Variants in CSNK1G2 observed in about 807,000 individuals in gnomAD.
The protein encoded by CSNK1G2 is casein kinase I isoform gamma-2.
Under a neutral mutation model 48.0 loss-of-function variants are expected in CSNK1G2, and 11 were observed. The observed-to-expected ratio is 0.23, with a 90% confidence interval of 0.14 to 0.38. The LOEUF is 0.38. Ranked by LOEUF, CSNK1G2 falls within the 10% of genes least tolerant of loss-of-function variation. The probability of loss-of-function intolerance (pLI) is 1.00; values close to 1 mark genes in which losing one functional copy is unlikely to be tolerated. For synonymous variants in CSNK1G2, 337 were observed against 254.1 expected, an observed-to-expected ratio of 1.33 and a Z score of -3.10; for missense variants, 446 against 595.5, an observed-to-expected ratio of 0.75 and a Z score of 2.61.
rs781037157 is a variant in CSNK1G2 at position 1,980,343 on chromosome 19, G to C, written c.*140G>C. 1.9e-6 allele frequency: 2 copies of C among 1,068,222 alleles called. No individual in the cohort carries two copies. The highest frequency in any genetic ancestry group is 4.4e-5 in the Admixed American group (2 of 45,530). 66.2% of individuals were successfully genotyped at this position (1,068,222 alleles called of 1,614,324 possible). The stretch of plus-strand genomic sequence containing the variant: ...CCAGAACGCAGACTGCAGGGGCCGC[G>C]CCTGGCTCAGGCGGCCCCACCCCCG... On this transcript the variant is annotated 3_prime_UTR_variant, in exon 12 of 12. Coordinates refer to ENST00000255641, the MANE Select transcript of CSNK1G2 (RefSeq NM_001319.7).
At chr19:1,967,698 C>CT (rs1555681689) in intron 1 of CSNK1G2, among the ~76,000 whole-genome samples, 2,226 of 101,940 alleles carry the variant, frequency 0.022, 207 homozygotes, top group East Asian at 0.065. Context: ...CAGGCTGCCC[C>CT]CACCACCCTT....
At chr19:1,956,818 C>T (rs1037924314) in intron 1 of CSNK1G2, among the ~76,000 whole-genome samples, 1 of 152,324 alleles carries the variant, frequency 6.6e-6, no homozygotes, top group African/African-American at 2.4e-5. Flanking sequence ...GTCTCCGGGC[C>T]AGGAGGACAC....
intron 1 of CSNK1G2, among the ~76,000 whole-genome samples, chr19:1,946,868 C>T (rs1234174634): frequency 2.0e-5 from 3 of 152,200 alleles, no homozygotes; most frequent in Non-Finnish European, 4.4e-5. Context: ...GCCTCGGCCT[C>T]TCAAAGTGCT....
At position 1,949,129 on chromosome 19, in the gene CSNK1G2, C is replaced by T. The variant is rs528955803; in HGVS notation, c.-266+7711C>T. 2.0e-5 allele frequency among the ~76,000 whole-genome samples: 3 copies of T among 152,272 alleles called. No individual in the cohort carries two copies. In the East Asian group the frequency reaches 5.8e-4, roughly 29 times the overall value. ...CCACGTCAGAGTGGACCTGTCAGTT[C>T]AAACCTGCCGTGGTCAAGGCTCCTC... On this transcript the variant is annotated intron_variant, in intron 1 of 11. Coordinates refer to ENST00000255641, the MANE Select transcript of CSNK1G2 (RefSeq NM_001319.7).
chr19:1,951,905 C>T (rs866314558), intron 1 of CSNK1G2, among the ~76,000 whole-genome samples: 1 of 152,152 alleles, frequency 6.6e-6, no homozygotes. Flanking sequence ...TGGTCTCGAT[C>T]TCCTGACCTC....
At chr19:1,963,448 G>A (rs1599308889) in intron 1 of CSNK1G2, among the ~76,000 whole-genome samples, 1 of 151,684 alleles carries the variant, frequency 6.6e-6, no homozygotes, top group East Asian at 1.9e-4. Flanking sequence ...TCCTGACCTC[G>A]TGATCCCCCT....
At chr19:1,968,254 C>A (rs111720536) in intron 1 of CSNK1G2, among the ~76,000 whole-genome samples, 1 of 52,964 alleles carries the variant, frequency 1.9e-5, no homozygotes, top group Admixed American at 2.0e-4. Context: ...GGGCTCCTCC[C>A]TCCTCCCCAG....
chr19:1,958,488 G>A lies in CSNK1G2; in HGVS notation c.-265-11020G>A, dbSNP rs1025138307. On this transcript the variant is annotated intron_variant, in intron 1 of 11. Transcript: ENST00000255641. The stretch of plus-strand genomic sequence containing the variant: ...GTCCCCCCCATCTCCCCATCCCCCC[G>A]TCCAGGGCCGCAGCAGCTCAGCTCT... Among the ~76,000 whole-genome samples the A allele has an allele frequency of 3.3e-3, 130 of 39,926 alleles. 1 individual carries two copies. The East Asian group carries it at 0.046, about 14-fold the overall frequency. 26.2% of individuals were successfully genotyped at this position (39,926 alleles called of 152,430 possible).
At chr19:1,967,437 T>C (rs1325453061) in intron 1 of CSNK1G2, among the ~76,000 whole-genome samples, 4 of 152,118 alleles carry the variant, frequency 2.6e-5, no homozygotes, top group African/African-American at 7.2e-5. Context: ...GTGGGGCTTC[T>C]GTCTGTCTGG....
rs538192508 is a variant in CSNK1G2 at position 1,980,752 on chromosome 19, C to T, written c.*549C>T. On this transcript the variant is annotated 3_prime_UTR_variant, in exon 12 of 12. Transcript: ENST00000255641. ...GGTGAGGCCGTGCCCCAGGCCTCCCCGAAACCAAAGGGGAAGGCAGGGGTG... is the reference window on the plus strand; with the variant it reads ...GGTGAGGCCGTGCCCCAGGCCTCCCTGAAACCAAAGGGGAAGGCAGGGGTG... The T allele has an allele frequency of 1.0e-3, 160 of 153,622 alleles. 1 individual carries two copies. The highest frequency in any genetic ancestry group is 1.9e-3 in the Non-Finnish European group (132 of 68,886). The allele number at this position is 153,622 out of a possible 1,614,324, so 9.5% of individuals were successfully genotyped here.
chr19:1,950,812 G>A (rs1324202939), intron 1 of CSNK1G2, among the ~76,000 whole-genome samples: 1 of 146,646 alleles, frequency 6.8e-6, no homozygotes, highest in Admixed American at 6.8e-5. Flanking sequence ...CCTGCTCTGG[G>A]GCATCCAGGA....
chr19:1,948,605 G>A (rs937634984), intron 1 of CSNK1G2, among the ~76,000 whole-genome samples: 5 of 151,002 alleles, frequency 3.3e-5, no homozygotes, highest in African/African-American at 1.2e-4. Flanking sequence ...CCTTATTTCG[G>A]TGTGGTCCTT....
intron 1 of CSNK1G2, among the ~76,000 whole-genome samples, chr19:1,944,862 G>A (rs576197799): frequency 1.3e-5 from 2 of 152,330 alleles, no homozygotes; most frequent in South Asian, 4.1e-4. Flanking sequence ...TGGCGGGCGG[G>A]GCCCAGTGAG....
chr19:1,979,447 C>T (rs1467334713), intron 8 of CSNK1G2, 44 bp downstream of exon 8: 4 of 714,698 alleles, frequency 5.6e-6, no homozygotes, highest in Non-Finnish European at 8.8e-6. Flanking sequence ...CCACCCCCCA[C>T]CCCCCACCCC....
chr19:1,954,069 G>T, intron 1 of CSNK1G2: 1 of 507,784 alleles, frequency 2.0e-6, no homozygotes, highest in South Asian at 1.4e-5. Flanking sequence ...CCTCCCATGG[G>T]GTGGGCGGCT....
At position 1,978,537 on chromosome 19, in the gene CSNK1G2, G is replaced by C. The variant is rs759091146; in HGVS notation, c.298+26G>C. 6.4e-7 allele frequency: 1 copy of C among 1,568,980 alleles called. No homozygotes were observed. Among genetic ancestry groups the C allele is most frequent in the South Asian group, 1.2e-5 (1 of 86,452 alleles). ...GTACCGGGCGGCCCGCGGGTGGGGC[G>C]GGGGCTGCGCAGGGGCAGGGAGGGG... On this transcript the variant is annotated intron_variant, in intron 4 of 11. Transcript: ENST00000255641. The surrounding 1 kb of genome is among the most constrained non-coding windows in gnomAD (Gnocchi z 7.3).
chr19:1,951,402 CA>C (rs1215298475), intron 1 of CSNK1G2, among the ~76,000 whole-genome samples: 4 of 135,856 alleles, frequency 2.9e-5, no homozygotes, highest in South Asian at 2.4e-4. Context: ...GACTCCGTCT[CA>C]AAAAAAAAAT....
chr19:1,953,379 T>C (rs754096514), intron 1 of CSNK1G2: 2 of 533,910 alleles, frequency 3.7e-6, no homozygotes, highest in Non-Finnish European at 7.7e-6. Context: ...GGTGGGGGTG[T>C]TCTCACTTCC....
chr19:1,961,776 T>C (rs1372041832), intron 1 of CSNK1G2, among the ~76,000 whole-genome samples: 4 of 152,222 alleles, frequency 2.6e-5, no homozygotes, highest in Admixed American at 6.5e-5. Context: ...TTAGAGAAAC[T>C]AGGTTAGCCA....
Sources: gnomAD v4.1 joint callset for allele counts (sites outside exome capture counted in the v4.1 genomes callset) on GRCh38, gnomAD v4.1.1 for gene constraint, Gnocchi (gnomAD v3.1) non-coding constraint, MANE v1.5 for transcripts, NCBI Gene and HGNC (gene_info 2026-07-23, HGNC 2026-07-21) for gene names.